Variants in STK32A observed in about 807,000 individuals in gnomAD.
STK32A encodes the protein serine/threonine kinase 32A.
Under a neutral mutation model 53.2 loss-of-function variants are expected in STK32A, and 41 were observed. The ratio of observed to expected loss-of-function variants is 0.77; its 90% CI spans 0.60 to 1.00. The LOEUF is 1.00. Among genes scored for constraint, STK32A ranks in the 50% least tolerant of loss-of-function variants. The pLI is 0.00. For missense variants in STK32A, 458 were observed against 485.8 expected, an observed-to-expected ratio of 0.94 and a Z score of 0.54; for synonymous variants, 166 against 162.8, an observed-to-expected ratio of 1.02 and a Z score of -0.15.
intron 4 of STK32A, among the ~76,000 whole-genome samples, chr5:147,299,567 T>C (rs1753030108): frequency 6.6e-6 from 1 of 152,306 alleles, no homozygotes. Flanking sequence ...AGGGGATCAC[T>C]GAAGCTCCAC....
chr5:147,286,345 T>C (rs1402576927), intron 4 of STK32A, among the ~76,000 whole-genome samples: 1 of 151,968 alleles, frequency 6.6e-6, no homozygotes, highest in Non-Finnish European at 1.5e-5. Context: ...AGGTGATGGG[T>C]GCAACAAAAT....
At chr5:147,379,201 A>T (rs1180803879) in intron 11 of STK32A, among the ~76,000 whole-genome samples, 4 of 151,684 alleles carry the variant, frequency 2.6e-5, no homozygotes, top group Non-Finnish European at 5.9e-5. Flanking sequence ...ATGGGAGTTC[A>T]TTCATGATTT....
chr5:147,275,858 C>T (rs980780879), intron 2 of STK32A, among the ~76,000 whole-genome samples: 14 of 152,122 alleles, frequency 9.2e-5, no homozygotes, highest in African/African-American at 3.4e-4. Context: ...AGGATCCTGA[C>T]ATGTAATCCT....
chr5:147,380,696 G>T (rs1386948104), intron 11 of STK32A, among the ~76,000 whole-genome samples: 1 of 152,152 alleles, frequency 6.6e-6, no homozygotes, highest in African/African-American at 2.4e-5. Context: ...CAAATGCTTT[G>T]CATGTCTGCA....
rs975840059 is a variant in STK32A at position 147,384,942 on chromosome 5, A to G, written c.*959A>G. ...AGATAGTAAAATTTACCGTTGAAAA[A>G]CCCCTTAAATTACCCATAAAGTATA... On this transcript the variant is annotated 3_prime_UTR_variant, in exon 13 of 13. Transcript: ENST00000397936. 1 of 152,120 alleles carries G rather than the reference A, an allele frequency of 6.6e-6. No individual in the cohort carries two copies. Among genetic ancestry groups the G allele is most frequent in the African/African-American group, 2.4e-5 (1 of 41,218 alleles). 9.4% of individuals were successfully genotyped at this position (152,120 alleles called of 1,614,324 possible).
intron 2 of STK32A, among the ~76,000 whole-genome samples, chr5:147,257,008 T>G (rs1447615486): frequency 6.6e-6 from 1 of 152,126 alleles, no homozygotes; most frequent in Non-Finnish European, 1.5e-5. Flanking sequence ...AAAACTGACT[T>G]AAAGAAGGGA....
intron 4 of STK32A, among the ~76,000 whole-genome samples, chr5:147,310,348 C>T (rs1368676724): frequency 1.3e-5 from 2 of 152,100 alleles, no homozygotes; most frequent in Admixed American, 1.3e-4. Context: ...AGTTCATCCC[C>T]CTCTGACCTG....
chr5:147,384,598 T>A lies in STK32A; in HGVS notation c.*615T>A. On this transcript the variant is annotated 3_prime_UTR_variant, in exon 13 of 13. Coordinates refer to ENST00000397936, the MANE Select transcript of STK32A (RefSeq NM_001112724.2). Reference sequence around the variant, plus strand: ...TATCTCAGCTGGCAGGAGCCTGCTGTGCACACCACTTCCCAGCTCCCTCTT... The same window carrying A: ...TATCTCAGCTGGCAGGAGCCTGCTGAGCACACCACTTCCCAGCTCCCTCTT... 7.6e-6 allele frequency: 4 copies of A among 528,474 alleles called. No homozygotes were observed. Among genetic ancestry groups the A allele is most frequent in the Non-Finnish European group, 9.8e-6 (3 of 305,580 alleles). 32.7% of individuals were successfully genotyped at this position (528,474 alleles called of 1,614,324 possible). A position where few individuals can be genotyped will look rare whatever the true frequency, so the allele number is the denominator to read the frequency against.
At chr5:147,237,005 C>A (rs1351341732) in intron 1 of STK32A, among the ~76,000 whole-genome samples, 1 of 152,074 alleles carries the variant, frequency 6.6e-6, no homozygotes, top group African/African-American at 2.4e-5. Flanking sequence ...TTAACAACTG[C>A]AAATCCTTAA....
chr5:147,277,436 C>T (rs996359482), intron 2 of STK32A, among the ~76,000 whole-genome samples: 6 of 152,212 alleles, frequency 3.9e-5, no homozygotes, highest in South Asian at 2.1e-4. Context: ...AAATTTCAGA[C>T]GTGGAGGATC....
intron 6 of STK32A, among the ~76,000 whole-genome samples, chr5:147,343,848 G>C (rs1324266217): frequency 6.6e-6 from 1 of 152,156 alleles, no homozygotes; most frequent in Non-Finnish European, 1.5e-5. Context: ...AAAGATAAAA[G>C]TATATGTGTT....
rs568624460 is a variant in STK32A, at chr5:147,251,983, G to A, written c.52+12297G>A. 8.5e-5 allele frequency among the ~76,000 whole-genome samples: 13 copies of A among 152,116 alleles called. No homozygotes were observed. The South Asian group carries it at 1.5e-3, about 17-fold the overall frequency. ...TTTGGGAGGCTGAGGCAGGTGGATC[G>A]CTGGAGCCCAGGAGTTCACAACCAG... On this transcript the variant is annotated intron_variant, in intron 2 of 12. Coordinates refer to ENST00000397936, the MANE Select transcript of STK32A (RefSeq NM_001112724.2).
chr5:147,370,150 G>A (rs911620766), intron 8 of STK32A, among the ~76,000 whole-genome samples: 3 of 152,038 alleles, frequency 2.0e-5, no homozygotes, highest in Non-Finnish European at 4.4e-5. Context: ...CATAGCATTT[G>A]TGGGACTGGA....
intron 4 of STK32A, among the ~76,000 whole-genome samples, chr5:147,291,893 A>G (rs1752617187): frequency 6.6e-6 from 1 of 152,204 alleles, no homozygotes; most frequent in African/African-American, 2.4e-5. Flanking sequence ...CATTAAGTGC[A>G]ACAAAAATAA....
At chr5:147,246,575 A>G (rs926722490) in intron 2 of STK32A, among the ~76,000 whole-genome samples, 1 of 152,220 alleles carries the variant, frequency 6.6e-6, no homozygotes, top group Non-Finnish European at 1.5e-5. Context: ...TCTGTGGCTC[A>G]TAATATTCTG....
chr5:147,316,895 C>T (rs1191722301), intron 4 of STK32A, among the ~76,000 whole-genome samples: 2 of 127,414 alleles, frequency 1.6e-5, no homozygotes, highest in Non-Finnish European at 3.3e-5. Flanking sequence ...AAGACTTAAA[C>T]ATACCTTTCC....
At chr5:147,328,554 T>G (rs890374614) in intron 5 of STK32A, among the ~76,000 whole-genome samples, 3 of 152,198 alleles carry the variant, frequency 2.0e-5, no homozygotes, top group African/African-American at 7.2e-5. Flanking sequence ...AAGTCAAACT[T>G]TTTGTGTGAG....
intron 2 of STK32A, among the ~76,000 whole-genome samples, chr5:147,265,173 T>TA (rs1333039148): frequency 8.0e-5 from 12 of 149,880 alleles, no homozygotes; most frequent in African/African-American, 2.9e-4. Flanking sequence ...CTCTTCATTG[T>TA]AAACAAGAAA....
Position 147,375,122 on chromosome 5 carries a change from A to G in STK32A, c.936A>G (p.Glu312=). The stretch of plus-strand genomic sequence containing the variant: ...GGCTGAATTGTGATCCTACCTTTGA[A>G]CTTGAGGAAATGATTTTGGAGTCCA... ...KGRLNCDPTF[E]LEEMILESKP... is the part of the protein sequence containing the mutation. The change falls in exon 11 of 13, where the codon GAA becomes GAG. Residue 312 remains glutamate (E), a synonymous_variant. Transcript: ENST00000397936. The G allele has an allele frequency of 6.2e-7, 1 of 1,608,678 alleles. No homozygotes were observed. Among genetic ancestry groups the G allele is most frequent in the Non-Finnish European group, 8.5e-7 (1 of 1,178,008 alleles).
Sources: allele counts gnomAD v4.1 joint callset (sites outside exome capture counted in the v4.1 genomes callset), GRCh38; gene constraint gnomAD v4.1.1; transcripts MANE v1.5; gene names NCBI Gene and HGNC (gene_info 2026-07-23, HGNC 2026-07-21).